Variants in ZC3H12B observed in about 807,000 individuals in gnomAD.
The protein encoded by ZC3H12B is probable ribonuclease ZC3H12B.
In ZC3H12B, 7 loss-of-function variants were observed where a neutral mutation model predicts 43.9. That is an observed-to-expected ratio of 0.16 (90% confidence interval 0.09 to 0.30). The LOEUF (loss-of-function observed/expected upper bound fraction) is 0.30. Ranked by LOEUF, ZC3H12B falls within the 10% of genes least tolerant of loss-of-function variation. ZC3H12B has a pLI of 1.00. For missense variants in ZC3H12B, 475 were observed against 670.2 expected (o/e 0.71, Z 3.22); for synonymous variants, 222 against 241.7 (o/e 0.92, Z 0.76).
At chrX:65,358,267 G>A in the ZC3H12B span, among the ~76,000 whole-genome samples, 3 of 111,008 alleles carry the variant, frequency 2.7e-5, no homozygotes, top group Admixed American at 9.6e-5. Flanking sequence ...ACACTGCACT[G>A]TCAATATGAG....
chrX:65,372,260 G>T (rs1250871109), intron 2 of ZC3H12B, among the ~76,000 whole-genome samples: 1 of 111,914 alleles, frequency 8.9e-6, no homozygotes, highest in Non-Finnish European at 1.9e-5. Context: ...GTTGATATTA[G>T]ATGATGAGAC....
chrX:65,050,055 T>A, the ZC3H12B span, among the ~76,000 whole-genome samples: 1 of 111,713 alleles, frequency 9.0e-6, no homozygotes, highest in East Asian at 2.8e-4. Flanking sequence ...TATTGGTTAT[T>A]CAAAAGTGTG....
At chrX:65,438,093 G>A (rs1218538349) in intron 3 of ZC3H12B, among the ~76,000 whole-genome samples, 1 of 111,760 alleles carries the variant, frequency 8.9e-6, no homozygotes, top group African/African-American at 3.3e-5. Flanking sequence ...GTCTGATTCT[G>A]TGGCAGTATT....
At chrX:65,392,983 T>C (rs1439544377) in intron 2 of ZC3H12B, among the ~76,000 whole-genome samples, 1 of 111,959 alleles carries the variant, frequency 8.9e-6, no homozygotes, top group Non-Finnish European at 1.9e-5. Context: ...CTATGTCAAC[T>C]CAGGGTTAAA....
chrX:65,473,267 C>A lies in ZC3H12B; in HGVS notation n.408-15379C>A, dbSNP rs763561641. Among the ~76,000 whole-genome samples the A allele has an allele frequency of 5.5e-5, 6 of 109,530 alleles. 1 individual carries two copies. The highest frequency in any genetic ancestry group is 2.0e-4 in the African/African-American group (6 of 30,101). On this transcript the variant is annotated intron_variant and non_coding_transcript_variant, in intron 3 of 5. Transcript: ENST00000617377. ...CTGACCTCAGGTGATCCACCCACCT[C>A]GGCCTCCCAAAGTGCTGGGATCACA...
the ZC3H12B span, among the ~76,000 whole-genome samples, chrX:65,137,611 C>G: frequency 1.1e-4 from 12 of 111,800 alleles, no homozygotes; most frequent in African/African-American, 3.6e-4. Context: ...TCTGAATTAT[C>G]TTTTTTGTTT....
the ZC3H12B span, among the ~76,000 whole-genome samples, chrX:65,343,472 A>C: frequency 3.1e-3 from 352 of 111,958 alleles, 3 homozygotes; most frequent in African/African-American, 0.011. Flanking sequence ...CAAAAAGCTT[A>C]TCTGACACCA....
At chrX:65,085,633 C>T in the ZC3H12B span, among the ~76,000 whole-genome samples, 2 of 109,728 alleles carry the variant, frequency 1.8e-5, no homozygotes, top group Admixed American at 9.8e-5. Flanking sequence ...TTAGCCAGGC[C>T]TGGTTTGAAG....
the ZC3H12B span, among the ~76,000 whole-genome samples, chrX:65,266,559 TA>T: frequency 8.9e-6 from 1 of 112,015 alleles, no homozygotes; most frequent in Non-Finnish European, 1.9e-5. Context: ...GAGGCTTGAA[TA>T]AATAAGCTGT....
the ZC3H12B span, among the ~76,000 whole-genome samples, chrX:65,205,941 A>G: frequency 1.8e-5 from 2 of 111,728 alleles, no homozygotes; most frequent in African/African-American, 6.5e-5. Context: ...AAAGTAAAAT[A>G]CTTAGGAATA....
intron 3 of ZC3H12B, among the ~76,000 whole-genome samples, chrX:65,443,061 C>A (rs907651129): frequency 9.0e-6 from 1 of 111,560 alleles, no homozygotes; most frequent in East Asian, 2.8e-4. Context: ...CCTTCCTTTG[C>A]CACTTTAGCT....
intron 3 of ZC3H12B, among the ~76,000 whole-genome samples, chrX:65,433,370 T>C (rs766313714): frequency 8.9e-6 from 1 of 112,095 alleles, no homozygotes; most frequent in East Asian, 2.8e-4. Flanking sequence ...ACTATTATCA[T>C]GGGTAGAGGC....
the ZC3H12B span, among the ~76,000 whole-genome samples, chrX:65,036,259 A>T: frequency 8.9e-6 from 1 of 112,105 alleles, no homozygotes; most frequent in East Asian, 2.8e-4. Flanking sequence ...ACCTATCAAA[A>T]GCATACTGAA....
chrX:65,202,834 G>T, the ZC3H12B span, among the ~76,000 whole-genome samples: 1 of 111,288 alleles, frequency 9.0e-6, no homozygotes, highest in African/African-American at 3.3e-5. Context: ...CTTTCCAGGT[G>T]GCAAGTTCCC....
At chrX:65,319,928 T>A in the ZC3H12B span, among the ~76,000 whole-genome samples, 1 of 111,381 alleles carries the variant, frequency 9.0e-6, no homozygotes, top group Non-Finnish European at 1.9e-5. Context: ...TACCTCAAAA[T>A]AATAAGAACC....
At chrX:65,113,864 A>G in the ZC3H12B span, among the ~76,000 whole-genome samples, 3 of 106,313 alleles carry the variant, frequency 2.8e-5, no homozygotes, top group East Asian at 3.1e-4. Context: ...AGACTGAAGT[A>G]TAGTATAAAA....
At chrX:65,335,757 C>A in the ZC3H12B span, among the ~76,000 whole-genome samples, 1 of 111,531 alleles carries the variant, frequency 9.0e-6, no homozygotes, top group South Asian at 3.8e-4. Flanking sequence ...CAATTTTGAG[C>A]TTGCAAAGGC....
At chrX:65,352,958 C>T in the ZC3H12B span, among the ~76,000 whole-genome samples, 1 of 111,114 alleles carries the variant, frequency 9.0e-6, no homozygotes, top group East Asian at 2.8e-4. Context: ...AGTGATCCTC[C>T]CACCTCAGCC....
the ZC3H12B span, among the ~76,000 whole-genome samples, chrX:65,196,516 A>G: frequency 9.0e-6 from 1 of 111,538 alleles, no homozygotes; most frequent in East Asian, 2.8e-4. Flanking sequence ...GCAGAGCATC[A>G]GTTTCACAGG....
Sources: gnomAD v4.1 joint callset for allele counts (sites outside exome capture counted in the v4.1 genomes callset) on GRCh38, gnomAD v4.1.1 for gene constraint, MANE v1.5 for transcripts, NCBI Gene and HGNC (gene_info 2026-07-23, HGNC 2026-07-21) for gene names.